FBN1: variants seen among roughly 807,000 people sequenced by gnomAD.
The protein encoded by FBN1 is fibrillin-1.
FBN1 carries 29 observed loss-of-function variants against 365.1 expected under a neutral mutation model. The ratio of observed to expected loss-of-function variants is 0.08; its 90% confidence interval spans 0.06 to 0.11. FBN1 has a LOEUF of 0.11. Among genes scored for constraint, FBN1 ranks in the 10% least tolerant of loss-of-function variants. The pLI is 1.00. For missense variants in FBN1, 2,476 were observed against 3,703.2 expected, an observed-to-expected ratio of 0.67 and a Z score of 8.60; for synonymous variants, 1,210 against 1,270.5, an observed-to-expected ratio of 0.95 and a Z score of 1.01.
chr15:48,491,328 T>C (rs1233330638), intron 24 of FBN1, among the ~76,000 whole-genome samples: 1 of 152,018 alleles, frequency 6.6e-6, no homozygotes, highest in Non-Finnish European at 1.5e-5. Flanking sequence ...CTTCACTGTA[T>C]ACCACTTTCT....
At chr15:48,575,182 A>G (rs2044335539) in intron 6 of FBN1, among the ~76,000 whole-genome samples, 1 of 152,242 alleles carries the variant, frequency 6.6e-6, no homozygotes, top group South Asian at 2.1e-4. Context: ...ATGAGGATGA[A>G]AGAGCAATTG....
rs971180549 is a variant in FBN1, at chr15:48,420,678, G to A, written c.7819+9C>T. The A allele has an allele frequency of 1.2e-6, 2 of 1,613,824 alleles. No homozygotes were observed. The highest frequency in any genetic ancestry group is 8.5e-7 in the Non-Finnish European group (1 of 1,179,990). ...CCATGCATCTTGAGAGTGAGGAAAA[G>A]TTACTTGCCAACACACTGGTTCCAC... On this transcript the variant is annotated intron_variant, in intron 63 of 65. Transcript: ENST00000316623.
chr15:48,629,020 C>A (rs1333102685), intron 2 of FBN1, among the ~76,000 whole-genome samples: 1 of 152,206 alleles, frequency 6.6e-6, no homozygotes, highest in African/African-American at 2.4e-5. Flanking sequence ...GCAGTCATCA[C>A]TGGACTGCAA....
chr15:48,432,912 T>C lies in FBN1; in HGVS notation c.6693A>G (p.Lys2231=). ...CTCTGAGCACATATCCCACGGGACA[T>C]TTGCATTCATATGACCCATAAGTGT... The part of the protein sequence containing the change: ...CVNTYGSYEC[K]CPVGYVLRED... The change falls in exon 55 of 66, where the codon AAA becomes AAG. Residue 2231 remains lysine (K), a synonymous_variant. Transcript: ENST00000316623. 2 of 1,613,658 alleles carry C rather than the reference T, an allele frequency of 1.2e-6. No homozygotes were observed. Among genetic ancestry groups the C allele is most frequent in the South Asian group, 2.2e-5 (2 of 91,082 alleles).
At chr15:48,642,691 G>A (rs527816396) in intron 2 of FBN1, 16 of 151,366 alleles carry the variant, frequency 1.1e-4, no homozygotes, top group African/African-American at 3.9e-4. Context: ...GTGTGTGTGT[G>A]TGTATATATA....
chr15:48,570,010 A>G (rs1446866675), intron 6 of FBN1, among the ~76,000 whole-genome samples: 1 of 152,164 alleles, frequency 6.6e-6, no homozygotes, highest in Non-Finnish European at 1.5e-5. Context: ...TCACAAACCA[A>G]TTCTTATATT....
At chr15:48,415,480 T>C in intron 64 of FBN1, 56 bp downstream of exon 64, 1 of 1,333,458 alleles carries the variant, frequency 7.5e-7, no homozygotes, top group African/African-American at 1.4e-5. Context: ...TCAGTATACT[T>C]AATTATATTA....
chr15:48,502,027 T>C (rs1037890679), intron 17 of FBN1, among the ~76,000 whole-genome samples: 2 of 152,080 alleles, frequency 1.3e-5, no homozygotes, highest in African/African-American at 4.8e-5. Context: ...CATCCCTCAT[T>C]TCCTTTTTCT....
rs151056963 is a variant in FBN1, at chr15:48,526,233, A to C, written c.885T>G (p.Ile295Met). Residue 295 changes from isoleucine (I) to methionine (M), a missense_variant, in exon 9 of 66, where the codon ATT becomes ATG. Ile to Met is a conservative substitution (Grantham distance 10). Coordinates refer to ENST00000316623, the MANE Select transcript of FBN1 (RefSeq NM_000138.5). Reference protein sequence around the residue: ...KCEDIDECSTIPGICEGGECT... With the variant: ...KCEDIDECSTMPGICEGGECT... ...ATTCACCCCCTTCACAGATTCCAGG[A>C]ATGGTGCTGCATTCATCAATATCTG... The C allele has an allele frequency of 6.2e-6, 10 of 1,614,156 alleles. No individual in the cohort carries two copies. The African/African-American group carries it at 1.3e-4, about 22-fold the overall frequency.
intron 36 of FBN1, among the ~76,000 whole-genome samples, chr15:48,469,355 G>A (rs943672152): frequency 3.9e-5 from 6 of 152,122 alleles, no homozygotes; most frequent in South Asian, 2.1e-4. Flanking sequence ...ACACACACGC[G>A]TGAGGCTTAG....
At chr15:48,467,890 G>C (rs200806415) in intron 38 of FBN1, 48 bp downstream of exon 38, 1 of 1,527,792 alleles carries the variant, frequency 6.5e-7, no homozygotes, top group Non-Finnish European at 9.1e-7. Context: ...CTAGAAAGGA[G>C]AACTGGCTGG....
In FBN1 at chr15:48,516,301, G is replaced by C. The variant is rs751524530; in HGVS notation, c.1209C>G (p.Pro403=). The C allele has an allele frequency of 6.2e-7, 1 of 1,613,906 alleles. No individual in the cohort carries two copies. Among genetic ancestry groups the C allele is most frequent in the East Asian group, 2.2e-5 (1 of 44,872 alleles). Residue 403 remains proline, a synonymous_variant, in exon 11 of 66, where the codon CCC becomes CCG. Coordinates refer to ENST00000316623, the MANE Select transcript of FBN1 (RefSeq NM_000138.5). The stretch of plus-strand genomic sequence containing the variant: ...CTGGAGGAATGGGGCCAAGGGGTGG[G>C]GGAGGATATTCTGGTCTCCCAGGAA... ...MVIPGRPEYP[P]PPLGPIPPVL... is the part of the protein sequence containing the mutation.
intron 6 of FBN1, among the ~76,000 whole-genome samples, chr15:48,559,450 T>C (rs1474150720): frequency 1.3e-5 from 2 of 151,894 alleles, no homozygotes; most frequent in East Asian, 1.9e-4. Flanking sequence ...CTGACTCAAG[T>C]AAAAGGCCTG....
At chr15:48,544,270 C>A (rs1057474251) in intron 6 of FBN1, among the ~76,000 whole-genome samples, 4 of 152,048 alleles carry the variant, frequency 2.6e-5, no homozygotes, top group African/African-American at 9.7e-5. Context: ...ATACTGCACA[C>A]AAGATTACCT....
At chr15:48,586,697 A>G (rs1278421731) in intron 6 of FBN1, among the ~76,000 whole-genome samples, 1 of 152,238 alleles carries the variant, frequency 6.6e-6, no homozygotes, top group Non-Finnish European at 1.5e-5. Flanking sequence ...TTAGGAACCC[A>G]AAAGGTGAAT....
At position 48,422,201 on chromosome 15, in the gene FBN1, A is replaced by C. The variant is rs2042949295; in HGVS notation, c.7454-133T>G. 7 of 707,494 alleles carry C rather than the reference A, an allele frequency of 9.9e-6. No homozygotes were observed. In the East Asian group the frequency reaches 1.9e-4, roughly 19 times the overall value. 43.8% of individuals were successfully genotyped at this position (707,494 alleles called of 1,614,324 possible). A position where few individuals can be genotyped will look rare whatever the true frequency, so the allele number is the denominator to read the frequency against. On this transcript the variant is annotated intron_variant, in intron 60 of 65. Transcript: ENST00000316623. ...CTGACTAGAAAGAAGCCACAGCAAA[A>C]GGCAAGGAGAGACACAGGGGGTAAA...
intron 64 of FBN1, among the ~76,000 whole-genome samples, chr15:48,414,208 A>G (rs2042884939): frequency 6.6e-6 from 1 of 152,238 alleles, no homozygotes; most frequent in Admixed American, 6.5e-5. Flanking sequence ...TAAACTATAA[A>G]GAATGAGTCT....
At chr15:48,479,623 G>A (rs1296554933) in intron 32 of FBN1, among the ~76,000 whole-genome samples, 4 of 152,190 alleles carry the variant, frequency 2.6e-5, no homozygotes. Flanking sequence ...AAGATTTGAA[G>A]AGGATCAAAT....
intron 6 of FBN1, among the ~76,000 whole-genome samples, chr15:48,589,614 T>C (rs1415796549): frequency 7.2e-6 from 1 of 138,272 alleles, no homozygotes; most frequent in Non-Finnish European, 1.5e-5. Flanking sequence ...ACTTTCTTTT[T>C]TTTTTTTTTT....
Sources: allele counts gnomAD v4.1 joint callset (sites outside exome capture counted in the v4.1 genomes callset), GRCh38; gene constraint gnomAD v4.1.1; transcripts MANE v1.5; gene names NCBI Gene and HGNC (gene_info 2026-07-23, HGNC 2026-07-21).